The following CERS5 variants were observed in gnomAD, a reference collection of about 807,000 sequenced individuals.
The protein encoded by CERS5 is LAG1 homolog, ceramide synthase 5.
In CERS5, 37 loss-of-function variants were observed where a neutral mutation model predicts 58.9. The ratio of observed to expected loss-of-function variants is 0.63; its 90% CI spans 0.48 to 0.83. CERS5 has a LOEUF of 0.83. Ranked by LOEUF, CERS5 falls within the 40% of genes least tolerant of loss-of-function variation. CERS5 has a pLI of 0.00. For synonymous variants in CERS5, 147 were observed against 177.8 expected, an observed-to-expected ratio of 0.83 and a Z score of 1.38; for missense variants, 398 against 489.3, an observed-to-expected ratio of 0.81 and a Z score of 1.76.
In CERS5 at chr12:50,131,091, T is replaced by C. The variant is rs561041567; in HGVS notation, c.1030-397A>G. 1.5e-4 allele frequency among the ~76,000 whole-genome samples: 23 copies of C among 152,354 alleles called. No individual in the cohort carries two copies. In the East Asian group the frequency reaches 4.2e-3, roughly 28 times the overall value. On this transcript the variant is annotated intron_variant, in intron 9 of 9. Coordinates refer to ENST00000317551, the MANE Select transcript of CERS5 (RefSeq NM_147190.5). ...AGCAATGCTTCTATCTTCTGGTGGT[T>C]GTGGACAATGCATTTATTCGTATTG...
At chr12:50,147,646 AAC>A (rs1423652272) in intron 1 of CERS5, among the ~76,000 whole-genome samples, 4 of 152,212 alleles carry the variant, frequency 2.6e-5, no homozygotes, top group African/African-American at 9.6e-5. Context: ...CATGACATAT[AAC>A]AACAGACTGA....
chr12:50,141,802 G>A (rs1194777010), intron 4 of CERS5, among the ~76,000 whole-genome samples: 6 of 151,970 alleles, frequency 3.9e-5, no homozygotes, highest in Non-Finnish European at 8.8e-5. Flanking sequence ...AGCCAGGTAT[G>A]GTGATGTGCA....
intron 5 of CERS5, among the ~76,000 whole-genome samples, 189 bp from the exon 6 acceptor site, chr12:50,138,009 C>T (rs1951777440): frequency 6.6e-6 from 1 of 152,116 alleles, no homozygotes; most frequent in African/African-American, 2.4e-5. Context: ...TCCCTTGCTC[C>T]TCTGCACACA....
At chr12:50,167,004 T>A in intron 1 of CERS5, 97 bp downstream of exon 1, 1 of 1,034,758 alleles carries the variant, frequency 9.7e-7, no homozygotes, top group Non-Finnish European at 1.3e-6. Context: ...GCTTCCGGGC[T>A]TTCCTTGCAG....
chr12:50,132,423 TAAA>T (rs34632215), intron 9 of CERS5, among the ~76,000 whole-genome samples: 3 of 147,996 alleles, frequency 2.0e-5, no homozygotes, highest in South Asian at 2.1e-4. Flanking sequence ...AAATAAAAAT[TAAA>T]AAAAAAAAAT....
intron 1 of CERS5, among the ~76,000 whole-genome samples, chr12:50,151,526 AGTTCCT>A: frequency 6.6e-6 from 1 of 152,302 alleles, no homozygotes; most frequent in South Asian, 2.1e-4. Flanking sequence ...ACCTTGGACA[AGTTCCT>A]CTGTGCTTCA....
In CERS5 at chr12:50,134,709, G is replaced by A; in HGVS notation, c.873-7C>T. ...GAGGGTCGTGTTCAGAATCCTAGAA[G>A]AGGGAGGCCAATAGTCAGATTCTAG... is the stretch of plus-strand genomic sequence containing the variant. On this transcript the variant is annotated splice_polypyrimidine_tract_variant and splice_region_variant and intron_variant, in intron 8 of 9. Coordinates refer to ENST00000317551, the MANE Select transcript of CERS5 (RefSeq NM_147190.5). The A allele has an allele frequency of 1.9e-6, 3 of 1,610,798 alleles. No individual in the cohort carries two copies. Among genetic ancestry groups the A allele is most frequent in the Non-Finnish European group, 2.5e-6 (3 of 1,178,040 alleles).
chr12:50,156,509 T>C (rs909200471), intron 1 of CERS5, among the ~76,000 whole-genome samples: 10 of 148,296 alleles, frequency 6.7e-5, no homozygotes, highest in South Asian at 2.1e-4. Context: ...GGTGGGAGGA[T>C]TGTTTGAGCC....
rs192936192 is a variant in CERS5 at position 50,156,229 on chromosome 12, G to A, written c.197+10872C>T. On this transcript the variant is annotated intron_variant, in intron 1 of 9. Coordinates refer to ENST00000317551, the MANE Select transcript of CERS5 (RefSeq NM_147190.5). ...ATCCTGACTAACACGGTAAAACCCCGTCTCTACTAAAAATACAAAAAAAAA... is the reference window on the plus strand; with the variant it reads ...ATCCTGACTAACACGGTAAAACCCCATCTCTACTAAAAATACAAAAAAAAA... Among the ~76,000 whole-genome samples the A allele has an allele frequency of 3.5e-3, 525 of 150,002 alleles. 5 individuals carry two copies. Among genetic ancestry groups the A allele is most frequent in the Middle Eastern group, 6.8e-3 (2 of 292 alleles).
At chr12:50,131,558 C>CAAAAAAAAAAAA (rs752634104) in intron 9 of CERS5, among the ~76,000 whole-genome samples, 63 of 69,276 alleles carry the variant, frequency 9.1e-4, no homozygotes, top group East Asian at 2.3e-3. Flanking sequence ...GACTCCATCT[C>CAAAAAAAAAAAA]AAAAAAAAAA....
chr12:50,166,465 T>C (rs1939908970), intron 1 of CERS5: 1 of 154,388 alleles, frequency 6.5e-6, no homozygotes, highest in Admixed American at 6.5e-5. Context: ...CTGCAACTAA[T>C]CTGACATCTT....
chr12:50,134,257 T>C, intron 9 of CERS5: 1 of 489,584 alleles, frequency 2.0e-6, no homozygotes. Flanking sequence ...TGCACACCTA[T>C]AGTCCCAGCT....
intron 1 of CERS5, among the ~76,000 whole-genome samples, chr12:50,162,184 CTTTT>C (rs75460499): frequency 2.5e-4 from 32 of 129,382 alleles, no homozygotes; most frequent in African/African-American, 8.2e-4. Flanking sequence ...CTGATTTGTT[CTTTT>C]TTTTTTTTTT....
intron 1 of CERS5, among the ~76,000 whole-genome samples, chr12:50,145,657 C>T (rs1290229839): frequency 6.7e-6 from 1 of 149,430 alleles, no homozygotes. Context: ...TTCTCTTTTA[C>T]ACCGGTGGGG....
intron 1 of CERS5, among the ~76,000 whole-genome samples, chr12:50,158,110 A>T (rs1938863106): frequency 6.6e-6 from 1 of 151,636 alleles, no homozygotes; most frequent in African/African-American, 2.4e-5. Context: ...TTTCTCAAGG[A>T]ATGCATGTAG....
At chr12:50,139,869 T>C (rs966625965) in intron 4 of CERS5, among the ~76,000 whole-genome samples, 10 of 152,092 alleles carry the variant, frequency 6.6e-5, no homozygotes, top group African/African-American at 2.4e-4. Flanking sequence ...TTCCACTTAC[T>C]TACTTTATTA....
intron 1 of CERS5, among the ~76,000 whole-genome samples, chr12:50,155,896 A>G (rs1938539804): frequency 6.6e-6 from 1 of 151,074 alleles, no homozygotes; most frequent in Non-Finnish European, 1.5e-5. Context: ...TGTGGTCAGG[A>G]GTTTGAGACC....
At chr12:50,147,398 C>A (rs1015293531) in intron 1 of CERS5, 12 of 121,036 alleles carry the variant, frequency 9.9e-5, no homozygotes, top group Non-Finnish European at 1.8e-4. Context: ...CAGAGCGAGA[C>A]TCCATCTCCA....
chr12:50,141,770 C>T (rs909143418), intron 4 of CERS5, among the ~76,000 whole-genome samples: 10 of 151,842 alleles, frequency 6.6e-5, no homozygotes, highest in Non-Finnish European at 1.0e-4. Flanking sequence ...GAAACCCCGT[C>T]TCTACTAAAA....
Sources: gnomAD v4.1 joint callset for allele counts (sites outside exome capture counted in the v4.1 genomes callset) on GRCh38, gnomAD v4.1.1 for gene constraint, MANE v1.5 for transcripts, NCBI Gene and HGNC (gene_info 2026-07-23, HGNC 2026-07-21) for gene names.